Variants in VNN1 observed in about 807,000 individuals in gnomAD.
VNN1 encodes vanin 1, also known as pantetheinase.
Under a neutral mutation model 41.9 loss-of-function variants are expected in VNN1, and 29 were observed. The ratio of observed to expected loss-of-function variants is 0.69; its 90% confidence interval spans 0.52 to 0.94. The LOEUF (loss-of-function observed/expected upper bound fraction) is 0.94. Ranked by LOEUF, VNN1 falls within the 40% of genes least tolerant of loss-of-function variation. The probability of loss-of-function intolerance (pLI) is 0.00; values close to 1 mark genes in which losing one functional copy is unlikely to be tolerated. For synonymous variants in VNN1, 233 were observed against 224.4 expected, an observed-to-expected ratio of 1.04 and a Z score of -0.34; for missense variants, 637 against 621.1, an observed-to-expected ratio of 1.03 and a Z score of -0.27.
At chr6:132,712,307 G>T (rs1300186561) in intron 1 of VNN1, among the ~76,000 whole-genome samples, 1 of 151,786 alleles carries the variant, frequency 6.6e-6, no homozygotes, top group Non-Finnish European at 1.5e-5. Flanking sequence ...CTGCCACCAC[G>T]CCTGGCTAAT....
At position 132,692,251 on chromosome 6, in the gene VNN1, T is replaced by G. The variant is rs150060408; in HGVS notation, c.1160A>C (p.His387Pro). ...TAGATAATAGCGCCCTTCCACAGTG[T>G]GCAGTCCGTCAAATGCCCCTAGAGC... ...VYALGAFDGL[H>P]TVEGRYYLQI... Residue 387 changes from histidine to proline, a missense_variant, in exon 5 of 7, where the codon CAC becomes CCC. Transcript: ENST00000367928. 2 of 1,605,988 alleles carry G rather than the reference T, an allele frequency of 1.2e-6. No individual in the cohort carries two copies. Among genetic ancestry groups the G allele is most frequent in the Non-Finnish European group, 1.7e-6 (2 of 1,175,788 alleles).
At chr6:132,695,068 C>T (rs531858481) in intron 2 of VNN1, among the ~76,000 whole-genome samples, 2 of 152,236 alleles carry the variant, frequency 1.3e-5, no homozygotes, top group Admixed American at 6.5e-5. Flanking sequence ...GGGAGAATTG[C>T]TTGATCTTGG....
chr6:132,699,682 G>A (rs1455251351), intron 2 of VNN1: 1 of 154,998 alleles, frequency 6.5e-6, no homozygotes, highest in Admixed American at 6.5e-5. Context: ...GGTAAATTTG[G>A]TTCATTGTTA....
intron 1 of VNN1, 84 bp from the exon 2 acceptor site, chr6:132,711,923 TC>T (rs1778606673): frequency 7.0e-7 from 1 of 1,438,478 alleles, no homozygotes; most frequent in Non-Finnish European, 9.4e-7. Flanking sequence ...TATTTGGGCT[TC>T]CCCCACACCC....
In VNN1 at chr6:132,683,163, T is replaced by A; in HGVS notation, c.1519A>T (p.Ile507Phe). 6 of 1,610,622 alleles carry A rather than the reference T, an allele frequency of 3.7e-6. No homozygotes were observed. Among genetic ancestry groups the A allele is most frequent in the Non-Finnish European group, 5.1e-6 (6 of 1,178,948 alleles). ...RIIMLIVIAP[I>F]VCSLSW ...TTCTACCAACTTAATGAGCATACAA[T>A]AGGTGCTATAACTATTAGCATTATT... Residue 507 changes from isoleucine (I) to phenylalanine (F), a missense_variant, in exon 7 of 7, where the codon ATT becomes TTT. Coordinates refer to ENST00000367928, the MANE Select transcript of VNN1 (RefSeq NM_004666.3).
At chr6:132,697,578 A>G (rs1408247690) in intron 2 of VNN1, among the ~76,000 whole-genome samples, 1 of 151,916 alleles carries the variant, frequency 6.6e-6, no homozygotes, top group Non-Finnish European at 1.5e-5. Flanking sequence ...ACAACTCTGA[A>G]ATGATAAATG....
chr6:132,692,132 T>G, intron 5 of VNN1, 91 bp downstream of exon 5: 1 of 1,373,226 alleles, frequency 7.3e-7, no homozygotes, highest in East Asian at 2.5e-5. Context: ...GATATGCTTA[T>G]ACTAAAAAAT....
At chr6:132,710,164 C>T (rs898760859) in intron 2 of VNN1, among the ~76,000 whole-genome samples, 3 of 152,016 alleles carry the variant, frequency 2.0e-5, no homozygotes, top group Non-Finnish European at 4.4e-5. Flanking sequence ...TTCTCCCTGC[C>T]TCAGCCTTCC....
At chr6:132,706,810 GA>G (rs555328115) in intron 2 of VNN1, among the ~76,000 whole-genome samples, 1 of 149,234 alleles carries the variant, frequency 6.7e-6, no homozygotes, top group Non-Finnish European at 1.5e-5. Flanking sequence ...AACTCTATAG[GA>G]AAAAAAATCT....
chr6:132,710,354 T>C (rs746547121), intron 2 of VNN1, among the ~76,000 whole-genome samples: 1 of 152,122 alleles, frequency 6.6e-6, no homozygotes, highest in Non-Finnish European at 1.5e-5. Flanking sequence ...CCAGCCAGTT[T>C]CTGTGGGATT....
At chr6:132,688,463 C>T (rs1365145985) in intron 5 of VNN1, among the ~76,000 whole-genome samples, 2 of 152,080 alleles carry the variant, frequency 1.3e-5, no homozygotes, top group Non-Finnish European at 2.9e-5. Flanking sequence ...CAAAGCTAAC[C>T]TACCTCACAA....
chr6:132,699,416 T>A lies in VNN1; in HGVS notation c.342-5234A>T, dbSNP rs45536436. 1,106 of 166,452 alleles carry A rather than the reference T, an allele frequency of 6.6e-3. 18 individuals carry two copies. Among genetic ancestry groups the A allele is most frequent in the African/African-American group, 0.025 (1,034 of 41,634 alleles). 10.3% of individuals were successfully genotyped at this position (166,452 alleles called of 1,614,324 possible). On this transcript the variant is annotated intron_variant, in intron 2 of 6. Transcript: ENST00000367928. ...ATATTGTCTATAATCATATTGGAGA[T>A]CCAAAAACAGAAGTGTATACAGTTA... is the stretch of plus-strand genomic sequence containing the variant.
rs1363631218 is a variant in VNN1 at position 132,681,682 on chromosome 6, G to T, written c.*1458C>A. ...AAATTATATGAGAATACAGAGAATT[G>T]CTCTGAGGATTCCTGTTTCTAAATA... is the stretch of plus-strand genomic sequence containing the variant. On this transcript the variant is annotated 3_prime_UTR_variant, in exon 7 of 7. Coordinates refer to ENST00000367928, the MANE Select transcript of VNN1 (RefSeq NM_004666.3). 1.3e-5 allele frequency: 2 copies of T among 152,466 alleles called. No individual in the cohort carries two copies. The highest frequency in any genetic ancestry group is 2.9e-5 in the Non-Finnish European group (2 of 68,012). 9.4% of individuals were successfully genotyped at this position (152,466 alleles called of 1,614,324 possible).
At chr6:132,686,068 G>A (rs1778202677) in intron 5 of VNN1, among the ~76,000 whole-genome samples, 1 of 152,032 alleles carries the variant, frequency 6.6e-6, no homozygotes, top group South Asian at 2.1e-4. Context: ...CCAGTTAAAT[G>A]TGAAGTTCAG....
In VNN1 at chr6:132,694,084, G is replaced by A; in HGVS notation, c.440C>T (p.Thr147Ile). ...ATCAGGGGGACACTGAGGATCACTG[G>A]TATCGCATGGCTTCTTGTCCCCAAT... Reference protein sequence around the residue: ...ANIGDKKPCDTSDPQCPPDGR... With the variant: ...ANIGDKKPCDISDPQCPPDGR... The change falls in exon 3 of 7, where the codon ACC becomes ATC. Residue 147 changes from threonine (T) to isoleucine (I), a missense_variant. Physicochemically the swap from Thr to Ile is moderately conservative, Grantham distance 89. Coordinates refer to ENST00000367928, the MANE Select transcript of VNN1 (RefSeq NM_004666.3). 1 of 1,614,136 alleles carries A rather than the reference G, an allele frequency of 6.2e-7. No homozygotes were observed. The highest frequency in any genetic ancestry group is 8.5e-7 in the Non-Finnish European group (1 of 1,180,014).
chr6:132,693,297 C>T lies in VNN1; in HGVS notation c.553G>A (p.Glu185Lys). The part of the protein sequence containing the change: ...RYHKQNLFMG[E>K]NQFNVPKEPE... ...TCCTTGGGTACATTGAATTGATTTT[C>T]ACCCATGAAAAGGTTTTGCTGCAAT... Residue 185 changes from glutamate (E) to lysine (K), a missense_variant, in exon 4 of 7, where the codon GAA becomes AAA. Glu to Lys is a moderately conservative substitution (Grantham distance 56). Transcript: ENST00000367928. 6.2e-7 allele frequency: 1 copy of T among 1,604,816 alleles called. No homozygotes were observed. Among genetic ancestry groups the T allele is most frequent in the East Asian group, 2.2e-5 (1 of 44,752 alleles).
intron 1 of VNN1, 121 bp downstream of exon 1, chr6:132,713,705 T>C (rs1244654560): frequency 9.4e-7 from 1 of 1,063,754 alleles, no homozygotes; most frequent in Non-Finnish European, 1.3e-6. Context: ...ATAAAGGTTC[T>C]TGGCTACTCT....
chr6:132,705,717 A>G (rs1778508946), intron 2 of VNN1, among the ~76,000 whole-genome samples: 1 of 152,168 alleles, frequency 6.6e-6, no homozygotes, highest in African/African-American at 2.4e-5. Context: ...ATTGGAAAGG[A>G]GGAAAATTAT....
intron 5 of VNN1, among the ~76,000 whole-genome samples, chr6:132,690,413 C>A (rs1303302948): frequency 1.3e-5 from 2 of 152,200 alleles, no homozygotes; most frequent in Non-Finnish European, 2.9e-5. Context: ...TGCATCCACA[C>A]CCTTGTTCAT....
Sources: gnomAD v4.1 joint callset for allele counts (sites outside exome capture counted in the v4.1 genomes callset) on GRCh38, gnomAD v4.1.1 for gene constraint, MANE v1.5 for transcripts, NCBI Gene and HGNC (gene_info 2026-07-23, HGNC 2026-07-21) for gene names.